The following FXR2 variants were observed in gnomAD, a reference collection of about 807,000 sequenced individuals.
FXR2 encodes RNA-binding protein FXR2.
In FXR2, 9 loss-of-function variants were observed where a neutral mutation model predicts 87.3. That is an observed-to-expected ratio of 0.10 (90% CI 0.06 to 0.18). The LOEUF is 0.18. Ranked by LOEUF, FXR2 falls within the 10% of genes least tolerant of loss-of-function variation. The pLI is 1.00. For missense variants in FXR2, 661 were observed against 893.6 expected (o/e 0.74, Z 3.32); for synonymous variants, 331 against 328.3 (o/e 1.01, Z -0.09).
chr17:7,592,781 AGCG>A lies in FXR2; in HGVS notation c.1639_1641del (p.Arg547del), dbSNP rs1372568333. On this transcript the variant is annotated inframe_deletion, in exon 14 of 17. Transcript: ENST00000250113. The surrounding 1 kb of genome is among the most constrained non-coding windows in gnomAD (Gnocchi z 4.8). ...TCTTCATCAGTGCGGCGGCGGCGGG[AGCG>A]GCGGCGCCTGGCACTTGCTGGGGGG... 4.3e-6 allele frequency: 7 copies of A among 1,612,896 alleles called. No homozygotes were observed. Among genetic ancestry groups the A allele is most frequent in the Non-Finnish European group, 5.9e-6 (7 of 1,179,636 alleles).
chr17:7,606,159 A>T lies in FXR2; in HGVS notation c.82-10T>A, dbSNP rs745502684. On this transcript the variant is annotated splice_polypyrimidine_tract_variant and intron_variant, in intron 1 of 16. Transcript: ENST00000250113. Reference sequence around the variant, plus strand: ...CATCCTTCACAAAGCCCTAGAATGGATTTTAGAAAAAAGCAAAAAAAATAA... The same window carrying T: ...CATCCTTCACAAAGCCCTAGAATGGTTTTTAGAAAAAAGCAAAAAAAATAA... The T allele has an allele frequency of 6.5e-7, 1 of 1,534,414 alleles. No homozygotes were observed. The highest frequency in any genetic ancestry group is 8.8e-7 in the Non-Finnish European group (1 of 1,132,932).
Position 7,594,570 on chromosome 17 carries a change from T to C in FXR2, c.910+109A>G, listed in dbSNP as rs117166689. On this transcript the variant is annotated intron_variant, in intron 9 of 16. Coordinates refer to ENST00000250113, the MANE Select transcript of FXR2 (RefSeq NM_004860.4). The surrounding 1 kb of genome is among the most constrained non-coding windows in gnomAD (Gnocchi z 5.1). The stretch of plus-strand genomic sequence containing the variant: ...CCATTACAGACTGTTTCTCTGTCCT[T>C]GTGAAACTGGGAGTCCACAGGGAGG... 1.4e-3 allele frequency: 1,140 copies of C among 789,164 alleles called. 1 individual carries two copies. The highest frequency in any genetic ancestry group is 2.2e-3 in the Non-Finnish European group (997 of 445,174). 48.9% of individuals were successfully genotyped at this position (789,164 alleles called of 1,614,324 possible).
intron 1 of FXR2, among the ~76,000 whole-genome samples, chr17:7,613,020 A>G (rs2071886079): frequency 6.6e-6 from 1 of 151,354 alleles, no homozygotes; most frequent in African/African-American, 2.4e-5. Context: ...AAAAAAAAAA[A>G]AATGACTACA....
At chr17:7,605,461 G>T (rs77940276) in intron 3 of FXR2, among the ~76,000 whole-genome samples, 184 bp downstream of exon 3, 1 of 152,182 alleles carries the variant, frequency 6.6e-6, no homozygotes. Flanking sequence ...TGAAACTGGG[G>T]ATGTTCCTGA....
chr17:7,605,674 T>G lies in FXR2; in HGVS notation c.199A>C (p.Lys67Gln). 2 of 1,586,916 alleles carry G rather than the reference T, an allele frequency of 1.3e-6. No individual in the cohort carries two copies. The highest frequency in any genetic ancestry group is 1.7e-6 in the Non-Finnish European group (2 of 1,156,102). The change falls in exon 3 of 17, where the codon AAG (lysine) becomes CAG (glutamine). Residue 67 changes from lysine to glutamine, a missense_variant. This residue lies in a region of FXR2 where 170 missense variants were observed against 247.2 expected (regional missense o/e 0.69). Coordinates refer to ENST00000250113, the MANE Select transcript of FXR2 (RefSeq NM_004860.4). ...VRLPPPADYN[K>Q]EITEGDEVEV... ...ACTTCATCCCCTTCTGTGATCTCCT[T>G]ATTATAGTCAGCTGGAGGTGGTAGC...
In FXR2 at chr17:7,591,327, G is replaced by C. The variant is rs1308608109; in HGVS notation, c.*503C>G. 2 of 163,162 alleles carry C rather than the reference G, an allele frequency of 1.2e-5. No individual in the cohort carries two copies. Among genetic ancestry groups the C allele is most frequent in the Non-Finnish European group, 2.7e-5 (2 of 73,716 alleles). 10.1% of individuals were successfully genotyped at this position (163,162 alleles called of 1,614,324 possible). ...ACAAGGTTGGTCCCCTCCCCAGGGG[G>C]ACCTTGTCACCCCCCTTCATACACA... On this transcript the variant is annotated 3_prime_UTR_variant, in exon 17 of 17. Transcript: ENST00000250113. The surrounding 1 kb of genome is among the most constrained non-coding windows in gnomAD (Gnocchi z 4.0).
chr17:7,598,878 G>A (rs904233367), intron 7 of FXR2, among the ~76,000 whole-genome samples: 1 of 152,148 alleles, frequency 6.6e-6, no homozygotes, highest in African/African-American at 2.4e-5. Context: ...AGGTATAGTG[G>A]CTCATGCCTG....
chr17:7,603,883 G>A lies in FXR2; in HGVS notation c.323C>T (p.Ala108Val), dbSNP rs2071780346. 1 of 1,613,824 alleles carries A rather than the reference G, an allele frequency of 6.2e-7. No homozygotes were observed. The change falls in exon 5 of 17, where the codon GCC becomes GTC. Residue 108 changes from alanine (A) to valine (V), a missense_variant. Transcript: ENST00000250113. ...KGDFYVIEYAACDATYNEIVT... is the reference protein window; with the variant it reads ...KGDFYVIEYAVCDATYNEIVT... ...AATTTCATTGTAGGTGGCATCACAG[G>A]CAGCATATTCAATGACATAGAACTG...
At chr17:7,603,616 T>A in intron 5 of FXR2, 141 bp downstream of exon 5, 1 of 651,054 alleles carries the variant, frequency 1.5e-6, no homozygotes, top group South Asian at 2.1e-5. Flanking sequence ...AAACTAAGTG[T>A]CTTCTTAGCA....
chr17:7,592,538 C>A lies in FXR2; in HGVS notation c.1791G>T (p.Arg597=). 1 of 1,613,966 alleles carries A rather than the reference C, an allele frequency of 6.2e-7. No individual in the cohort carries two copies. Among genetic ancestry groups the A allele is most frequent in the Non-Finnish European group, 8.5e-7 (1 of 1,179,868 alleles). The change falls in exon 15 of 17, where the codon CGG becomes CGT. Residue 597 remains arginine, a synonymous_variant. Transcript: ENST00000250113. This position sits in a 1 kb window ranked among gnomAD's most constrained non-coding sequence, Gnocchi z 4.8. ...RSRRRRNRGN[R]TDGSISGDRQ... ...GGTCTCCACTGATAGAGCCATCAGT[C>A]CGATTACCACGGTTACGGCGGCGGC... is the stretch of plus-strand genomic sequence containing the variant.
chr17:7,592,851 C>G lies in FXR2; in HGVS notation c.1572G>C (p.Thr524=), dbSNP rs758930383. 6.2e-7 allele frequency: 1 copy of G among 1,608,638 alleles called. No homozygotes were observed. Among genetic ancestry groups the G allele is most frequent in the South Asian group, 1.1e-5 (1 of 90,228 alleles). Residue 524 remains threonine (T), a synonymous_variant, in exon 14 of 17, where the codon ACG becomes ACC. Coordinates refer to ENST00000250113, the MANE Select transcript of FXR2 (RefSeq NM_004860.4). This position sits in a 1 kb window ranked among gnomAD's most constrained non-coding sequence, Gnocchi z 4.8. ...AATCAACCGGGGGCTCTGGTTCAGA[C>G]GTGTCCAATAGGCTGTAGGGATTAC... ...PDSNPYSLLD[T]SEPEPPVDSE...
At chr17:7,608,211 C>T (rs858523) in intron 1 of FXR2, among the ~76,000 whole-genome samples, 69,322 of 151,574 alleles carry the variant, frequency 0.46, 17,492 homozygotes, top group South Asian at 0.64. Context: ...CCGCCTTAGC[C>T]TCCAAGAATG....
chr17:7,596,971 G>A (rs1049015378), intron 7 of FXR2, among the ~76,000 whole-genome samples: 2 of 152,036 alleles, frequency 1.3e-5, no homozygotes, highest in African/African-American at 4.8e-5. Context: ...TTGGTGGGGT[G>A]TGCCTATAAT....
At position 7,594,109 on chromosome 17, in the gene FXR2, G is replaced by T; in HGVS notation, c.1021-105C>A. The T allele has an allele frequency of 1.1e-6, 1 of 910,160 alleles. No homozygotes were observed. Among genetic ancestry groups the T allele is most frequent in the Non-Finnish European group, 1.8e-6 (1 of 550,304 alleles). 56.4% of individuals were successfully genotyped at this position (910,160 alleles called of 1,614,324 possible). A position where few individuals can be genotyped will look rare whatever the true frequency, so the allele number is the denominator to read the frequency against. On this transcript the variant is annotated intron_variant, in intron 10 of 16. Transcript: ENST00000250113. This position sits in a 1 kb window ranked among gnomAD's most constrained non-coding sequence, Gnocchi z 5.1. ...AGCCTGCCCAGTGGGATCATTCTGG[G>T]CTCTAAATCTACTAGTGTTAAACAA...
chr17:7,609,899 CATACATATATATGTATAT>C (rs2071835277), intron 1 of FXR2, among the ~76,000 whole-genome samples: 1 of 137,312 alleles, frequency 7.3e-6, no homozygotes, highest in Non-Finnish European at 1.5e-5. Context: ...TATATATACA[CATACATATATATGTATAT>C]ATACATGTAT....
Position 7,594,122 on chromosome 17 carries a change from T to C in FXR2, c.1020+116A>G, listed in dbSNP as rs1395860085. ...GGATCATTCTGGGCTCTAAATCTAC[T>C]AGTGTTAAACAACTTTCCGTACTCC... On this transcript the variant is annotated intron_variant, in intron 10 of 16. Coordinates refer to ENST00000250113, the MANE Select transcript of FXR2 (RefSeq NM_004860.4). This position sits in a 1 kb window ranked among gnomAD's most constrained non-coding sequence, Gnocchi z 5.1. The C allele has an allele frequency of 2.2e-6, 2 of 889,866 alleles. No individual in the cohort carries two copies. The highest frequency in any genetic ancestry group is 1.4e-5 in the South Asian group (1 of 72,936). 55.1% of individuals were successfully genotyped at this position (889,866 alleles called of 1,614,324 possible).
In FXR2 at chr17:7,602,911, G is replaced by A. The variant is rs934074450; in HGVS notation, c.541C>T (p.Leu181=). The A allele has an allele frequency of 2.7e-6, 4 of 1,456,782 alleles. No individual in the cohort carries two copies. In the African/African-American group the frequency reaches 5.6e-5, roughly 20 times the overall value. 90.2% of individuals were successfully genotyped at this position (1,456,782 alleles called of 1,614,324 possible). ...AAATTCAGGCAGAATAAACTCACCAGAATGAAGAGCTCACTGTTTGTGATG... is the reference window on the plus strand; with the variant it reads ...AAATTCAGGCAGAATAAACTCACCAAAATGAAGAGCTCACTGTTTGTGATG... ...LNITNSELFI[L]STTEAPVKRA... is the part of the protein sequence containing the mutation. Residue 181 remains leucine (L), a splice_region_variant and synonymous_variant, in exon 6 of 17, where the codon CTG becomes TTG. Transcript: ENST00000250113.
rs1179238905 is a variant in FXR2 at position 7,593,801 on chromosome 17, A to AG, written c.1107+116dup. 2 of 830,056 alleles carry AG rather than the reference A, an allele frequency of 2.4e-6. No individual in the cohort carries two copies. The highest frequency in any genetic ancestry group is 3.4e-5 in the African/African-American group (2 of 58,616). The allele number at this position is 830,056 out of a possible 1,614,324, so 51.4% of individuals were successfully genotyped here. A position where few individuals can be genotyped will look rare whatever the true frequency, so the allele number is the denominator to read the frequency against. On this transcript the variant is annotated intron_variant, in intron 11 of 16. Transcript: ENST00000250113. This position sits in a 1 kb window ranked among gnomAD's most constrained non-coding sequence, Gnocchi z 6.1. ...CAACCCTATAGCCCCAAATTTCCAC[A>AG]GATGTTTTCTGTTCTACACGGAGAG...
In FXR2 at chr17:7,592,023, G is replaced by T; in HGVS notation, c.1927-98C>A. On this transcript the variant is annotated intron_variant, in intron 16 of 16. Transcript: ENST00000250113. The surrounding 1 kb of genome is among the most constrained non-coding windows in gnomAD (Gnocchi z 4.8). ...TACCATCCAAGCCCTCCTGGCATTT[G>T]GTGATCCAGAGGTTGGTTCCCTGAT... The T allele has an allele frequency of 8.2e-7, 1 of 1,217,164 alleles. No individual in the cohort carries two copies. Among genetic ancestry groups the T allele is most frequent in the Non-Finnish European group, 1.1e-6 (1 of 876,056 alleles). 75.4% of individuals were successfully genotyped at this position (1,217,164 alleles called of 1,614,324 possible).
Sources: allele counts gnomAD v4.1 joint callset (sites outside exome capture counted in the v4.1 genomes callset), GRCh38; gene constraint gnomAD v4.1.1; regional missense constraint gnomAD v4.1.1; non-coding constraint Gnocchi (gnomAD v3.1); transcripts MANE v1.5; gene names NCBI Gene and HGNC (gene_info 2026-07-23, HGNC 2026-07-21).